The following ZZEF1 variants were observed in gnomAD, a reference collection of about 807,000 sequenced individuals.
The protein encoded by ZZEF1 is zinc finger ZZ-type and EF-hand domain containing 1.
ZZEF1 carries 157 observed loss-of-function variants against 342.8 expected under a neutral mutation model. The observed-to-expected ratio is 0.46, with a 90% CI of 0.40 to 0.52. The LOEUF is 0.52. Among genes scored for constraint, ZZEF1 ranks in the 20% least tolerant of loss-of-function variants. ZZEF1 has a pLI of 0.00. For missense variants in ZZEF1, 3,480 were observed against 3,725.6 expected (o/e 0.93, Z 1.72); for synonymous variants, 1,505 against 1,429.1 (o/e 1.05, Z -1.20).
At chr17:4,105,833 T>C (rs1159184100) in intron 6 of ZZEF1, 24 bp from the exon 7 acceptor site, 2 of 1,577,936 alleles carry the variant, frequency 1.3e-6, no homozygotes, top group Non-Finnish European at 1.7e-6. Flanking sequence ...ATGTAAAATG[T>C]AATCAGAACA....
chr17:4,062,641 G>A (rs1343557341), intron 30 of ZZEF1, 112 bp downstream of exon 30: 28 of 1,232,050 alleles, frequency 2.3e-5, no homozygotes, highest in Non-Finnish European at 3.0e-5. Context: ...AACCAAAAAC[G>A]TACATTTGTA....
intron 52 of ZZEF1, among the ~76,000 whole-genome samples, chr17:4,012,774 T>G (rs2055997695): frequency 6.6e-6 from 1 of 152,108 alleles, no homozygotes; most frequent in Non-Finnish European, 1.5e-5. Flanking sequence ...ATGAACAAAG[T>G]AAGGTCACTG....
At position 4,082,616 on chromosome 17, in the gene ZZEF1, C is replaced by G. The variant is rs2057745353; in HGVS notation, c.2647-112G>C. The G allele has an allele frequency of 4.1e-6, 4 of 979,224 alleles. No individual in the cohort carries two copies. In the Admixed American group the frequency reaches 8.3e-5, roughly 20 times the overall value. The allele number at this position is 979,224 out of a possible 1,614,324, so 60.7% of individuals were successfully genotyped here. ...CACTGTTCTCAAGTATGAGGAATGC[C>G]AGGCCAGCAGACTACCTCACAGCAC... On this transcript the variant is annotated intron_variant, in intron 16 of 54. Transcript: ENST00000381638.
intron 1 of ZZEF1, among the ~76,000 whole-genome samples, chr17:4,136,642 C>A (rs2058753714): frequency 6.6e-6 from 1 of 152,132 alleles, no homozygotes; most frequent in East Asian, 1.9e-4. Flanking sequence ...GATGCCATTA[C>A]AGGCTAATTA....
At chr17:4,015,966 G>A (rs532017765) in intron 49 of ZZEF1, among the ~76,000 whole-genome samples, 2 of 152,196 alleles carry the variant, frequency 1.3e-5, no homozygotes, top group Non-Finnish European at 2.9e-5. Flanking sequence ...GGTGGCAGCT[G>A]AAGAGTGAGG....
chr17:4,100,075 C>A (rs1050721416), intron 9 of ZZEF1, among the ~76,000 whole-genome samples: 1 of 152,144 alleles, frequency 6.6e-6, no homozygotes, highest in African/African-American at 2.4e-5. Context: ...CGTTTGAGTT[C>A]TCTGGGCATT....
At chr17:4,105,642 T>A (rs749029072) in intron 7 of ZZEF1, 51 bp downstream of exon 7, 2 of 1,305,116 alleles carry the variant, frequency 1.5e-6, no homozygotes, top group Non-Finnish European at 2.2e-6. Flanking sequence ...TTAACAAGCA[T>A]ACGTGCACTC....
At chr17:4,122,823 G>T (rs973278403) in intron 2 of ZZEF1, among the ~76,000 whole-genome samples, 53 of 151,994 alleles carry the variant, frequency 3.5e-4, no homozygotes, top group African/African-American at 1.3e-3. Context: ...CTGTGAGACA[G>T]AAAGAGAAAG....
At chr17:4,065,749 T>C (rs1446816315) in intron 28 of ZZEF1, among the ~76,000 whole-genome samples, 3 of 152,184 alleles carry the variant, frequency 2.0e-5, no homozygotes, top group Non-Finnish European at 4.4e-5. Flanking sequence ...CTTAAAAATA[T>C]ATGAGTTTTA....
intron 20 of ZZEF1, 29 bp downstream of exon 20, chr17:4,076,839 C>T: frequency 6.2e-7 from 1 of 1,613,816 alleles, no homozygotes; most frequent in Middle Eastern, 1.7e-4. Flanking sequence ...CCTTCCGGTT[C>T]TTTACAAATA....
rs368792443 is a variant in ZZEF1 at position 4,013,410 on chromosome 17, T to G, written c.8579+39A>C. ...GGGCCAGCCACAGAGTGGGGATACA[T>G]ATGCCTGGCAAAGGGCTGCCATCCG... On this transcript the variant is annotated intron_variant, in intron 52 of 54. Transcript: ENST00000381638. 8.4e-6 allele frequency: 13 copies of G among 1,539,546 alleles called. No homozygotes were observed. The African/African-American group carries it at 1.8e-4, about 21-fold the overall frequency.
Position 4,016,306 on chromosome 17 carries a change from G to C in ZZEF1, c.8145+17C>G. 6.2e-7 allele frequency: 1 copy of C among 1,606,506 alleles called. No homozygotes were observed. Among genetic ancestry groups the C allele is most frequent in the Non-Finnish European group, 8.5e-7 (1 of 1,177,436 alleles). On this transcript the variant is annotated intron_variant, in intron 49 of 54. Transcript: ENST00000381638. The surrounding 1 kb of genome is among the most constrained non-coding windows in gnomAD (Gnocchi z 4.4). ...CGGCTCAGTCGCTCTTATGGGGCCT[G>C]CCGGCCCCAGGCTTACCTCGAAGTT...
chr17:4,112,423 G>A (rs1040538937), intron 5 of ZZEF1, among the ~76,000 whole-genome samples, 186 bp downstream of exon 5: 11 of 152,108 alleles, frequency 7.2e-5, no homozygotes, highest in African/African-American at 2.4e-4. Context: ...TGGGATTACA[G>A]GCGTGAGCCA....
chr17:4,059,365 C>T (rs983266799), intron 30 of ZZEF1, 75 bp from the exon 31 acceptor site: 1 of 1,543,308 alleles, frequency 6.5e-7, no homozygotes, highest in Non-Finnish European at 8.7e-7. Context: ...TGATTTCTTA[C>T]ATGAAAAAGA....
rs191735206 is a variant in ZZEF1 at position 4,006,610 on chromosome 17, T to C, written c.*280A>G. The C allele has an allele frequency of 1.7e-4, 78 of 466,074 alleles. No individual in the cohort carries two copies. Among genetic ancestry groups the C allele is most frequent in the Non-Finnish European group, 2.5e-4 (64 of 255,014 alleles). The allele number at this position is 466,074 out of a possible 1,614,324, so 28.9% of individuals were successfully genotyped here. ...CCACGGCTCCTGCAGTGACAGCCTC[T>C]GGAGAAGGCTGGTCTCTGAACCTTC... On this transcript the variant is annotated 3_prime_UTR_variant, in exon 55 of 55. Coordinates refer to ENST00000381638, the MANE Select transcript of ZZEF1 (RefSeq NM_015113.4).
chr17:4,072,683 G>A lies in ZZEF1; in HGVS notation c.3759C>T (p.Val1253=), dbSNP rs1442666745. The change falls in exon 25 of 55, where the codon GTC becomes GTT. Residue 1253 remains valine (V), a synonymous_variant. Coordinates refer to ENST00000381638, the MANE Select transcript of ZZEF1 (RefSeq NM_015113.4). ...ACTCTGGACAAACCTGATGCCTGAA[G>A]ACAGGTTTCCACAGTGGGGAGCTTA... The part of the protein sequence containing the change: ...LVLSSPLWKP[V]FRHQVCPELE... 1.2e-5 allele frequency: 19 copies of A among 1,614,128 alleles called. No homozygotes were observed. The highest frequency in any genetic ancestry group is 1.6e-5 in the Non-Finnish European group (19 of 1,179,984).
chr17:4,140,731 C>T (rs922523926), intron 1 of ZZEF1, among the ~76,000 whole-genome samples: 22 of 152,268 alleles, frequency 1.4e-4, no homozygotes, highest in Middle Eastern at 3.4e-3. Context: ...AGAATGTAAA[C>T]GGTGTTTCTC....
intron 16 of ZZEF1, among the ~76,000 whole-genome samples, chr17:4,083,097 G>A (rs1347848344): frequency 2.0e-5 from 3 of 152,132 alleles, no homozygotes; most frequent in African/African-American, 7.2e-5. Context: ...TTTTGCCATT[G>A]GACAAGCCAT....
Position 4,076,788 on chromosome 17 carries a change from G to T in ZZEF1, c.3112-29C>A, listed in dbSNP as rs546316407. 2.5e-6 allele frequency: 4 copies of T among 1,608,794 alleles called. No individual in the cohort carries two copies. The African/African-American group carries it at 5.3e-5, about 21-fold the overall frequency. On this transcript the variant is annotated intron_variant, in intron 20 of 54. Transcript: ENST00000381638. ...ATGGAAGATGGATGAAGCACTCAGC[G>T]TCCACCTTAGGCTGGGCCTGGGGAT...
Sources: allele counts gnomAD v4.1 joint callset (sites outside exome capture counted in the v4.1 genomes callset), GRCh38; gene constraint gnomAD v4.1.1; non-coding constraint Gnocchi (gnomAD v3.1); transcripts MANE v1.5; gene names NCBI Gene and HGNC (gene_info 2026-07-23, HGNC 2026-07-21).